The following TYK2 variants were observed in gnomAD, a reference collection of about 807,000 sequenced individuals.
TYK2 encodes the protein tyrosine kinase 2, also known as non-receptor tyrosine-protein kinase TYK2.
Under a neutral mutation model 130.9 loss-of-function variants are expected in TYK2, and 65 were observed. The observed-to-expected ratio is 0.50, with a 90% CI of 0.41 to 0.61. TYK2 has a LOEUF of 0.61. Ranked by LOEUF, TYK2 falls within the 20% of genes least tolerant of loss-of-function variation. The probability of loss-of-function intolerance (pLI) is 0.00; values close to 1 mark genes in which losing one functional copy is unlikely to be tolerated. For synonymous variants in TYK2, 647 were observed against 658.9 expected (o/e 0.98, Z 0.28); for missense variants, 1,378 against 1,610.7 (o/e 0.86, Z 2.47).
Position 10,352,436 on chromosome 19 carries a change from TG to T in TYK2, c.3315del (p.Thr1106ArgfsTer7), listed in dbSNP as rs757101286. 2.5e-6 allele frequency: 4 copies of T among 1,603,638 alleles called. No individual in the cohort carries two copies. The highest frequency in any genetic ancestry group is 1.3e-5 in the African/African-American group (1 of 74,730). Reference sequence around the variant, plus strand: ...GGGGCTGCGGGCCTGGCTCTCACCGTGGGGGGGCTCTGGCTGGAGTCACAGT... The same window carrying T: ...GGGGCTGCGGGCCTGGCTCTCACCGTGGGGGGCTCTGGCTGGAGTCACAGT... The part of the protein sequence containing the change: ...LTHCDSSQSP[P>X]TKFLELIGIA... On this transcript the variant is annotated frameshift_variant, in exon 23 of 25. Coordinates refer to ENST00000525621, the MANE Select transcript of TYK2 (RefSeq NM_003331.5). LOFTEE classifies it high-confidence loss of function.
rs779078687 is a variant in TYK2 at position 10,353,106 on chromosome 19, C to T, written c.3028-8G>A. 28 of 1,505,344 alleles carry T rather than the reference C, an allele frequency of 1.9e-5. No individual in the cohort carries two copies. Among genetic ancestry groups the T allele is most frequent in the Non-Finnish European group, 2.2e-5 (25 of 1,123,058 alleles). 93.2% of individuals were successfully genotyped at this position (1,505,344 alleles called of 1,614,324 possible). ...GTGCAGATAGGCCATGCCCTGGGGA[C>T]GGGGCAGGGCTCGTGAGTTTCAGTG... On this transcript the variant is annotated splice_region_variant and splice_polypyrimidine_tract_variant and intron_variant, in intron 21 of 24. Coordinates refer to ENST00000525621, the MANE Select transcript of TYK2 (RefSeq NM_003331.5). The surrounding 1 kb of genome is among the most constrained non-coding windows in gnomAD (Gnocchi z 6.9).
intron 14 of TYK2, 68 bp from the exon 15 acceptor site, chr19:10,359,370 G>T: frequency 6.3e-7 from 1 of 1,574,926 alleles, no homozygotes; most frequent in Non-Finnish European, 8.6e-7. Context: ...GGAATTGGGG[G>T]AGACGCCAGG....
At position 10,353,560 on chromosome 19, in the gene TYK2, G is replaced by C. The variant is rs1382973354; in HGVS notation, c.2995C>G (p.Gln999Glu). ...ATCTGCTGGGCGAAGAGCAGCAGCT[G>C]GGCCAGCCCGATGCTGTGCCGGGGC... is the stretch of plus-strand genomic sequence containing the variant. ...YLPRHSIGLA[Q>E]LLLFAQQICE... is the part of the protein sequence containing the mutation. Residue 999 changes from glutamine to glutamate, a missense_variant, in exon 21 of 25, where the codon CAG (glutamine) becomes GAG (glutamate). By Grantham distance (29) the Gln-to-Glu change is conservative. Coordinates refer to ENST00000525621, the MANE Select transcript of TYK2 (RefSeq NM_003331.5). The surrounding 1 kb of genome is among the most constrained non-coding windows in gnomAD (Gnocchi z 6.9). The C allele has an allele frequency of 6.7e-7, 1 of 1,499,386 alleles. No individual in the cohort carries two copies. Among genetic ancestry groups the C allele is most frequent in the East Asian group, 2.4e-5 (1 of 41,470 alleles). 92.9% of individuals were successfully genotyped at this position (1,499,386 alleles called of 1,614,324 possible).
At position 10,359,310 on chromosome 19, in the gene TYK2, G is replaced by A. The variant is rs539189311; in HGVS notation, c.2048-8C>T. ...ACTCTGTCACCATGATATCTGTAAA[G>A]ACACAGCTGCTCTGGGGCAACCTGC... On this transcript the variant is annotated splice_region_variant and splice_polypyrimidine_tract_variant and intron_variant, in intron 14 of 24. Coordinates refer to ENST00000525621, the MANE Select transcript of TYK2 (RefSeq NM_003331.5). The A allele has an allele frequency of 6.2e-7, 1 of 1,610,164 alleles. No individual in the cohort carries two copies. Among genetic ancestry groups the A allele is most frequent in the South Asian group, 1.1e-5 (1 of 90,982 alleles).
Position 10,362,668 on chromosome 19 carries a change from G to A in TYK2, c.1368-11C>T. 1 of 1,550,480 alleles carries A rather than the reference G, an allele frequency of 6.4e-7. No homozygotes were observed. The highest frequency in any genetic ancestry group is 8.7e-7 in the Non-Finnish European group (1 of 1,146,252). On this transcript the variant is annotated splice_polypyrimidine_tract_variant and intron_variant, in intron 9 of 24. Transcript: ENST00000525621. ...TGCACAAATGGCTCCCTGGAAGGTGGTCCAGGGGGACTATCAGGCCACCTG... is the reference window on the plus strand; with the variant it reads ...TGCACAAATGGCTCCCTGGAAGGTGATCCAGGGGGACTATCAGGCCACCTG...
In TYK2 at chr19:10,361,307, G is replaced by A; in HGVS notation, c.2047+204C>T. On this transcript the variant is annotated intron_variant, in intron 14 of 24. Coordinates refer to ENST00000525621, the MANE Select transcript of TYK2 (RefSeq NM_003331.5). The surrounding 1 kb of genome is among the most constrained non-coding windows in gnomAD (Gnocchi z 4.0). Reference sequence around the variant, plus strand: ...AGGGCAGGTGAGGGTCGACGTGTTGGGATGTAAGTTATGGGCTGGAATATC... The same window carrying A: ...AGGGCAGGTGAGGGTCGACGTGTTGAGATGTAAGTTATGGGCTGGAATATC... The A allele has an allele frequency of 4.7e-6, 3 of 638,480 alleles. No homozygotes were observed. Among genetic ancestry groups the A allele is most frequent in the Non-Finnish European group, 2.8e-6 (1 of 351,814 alleles). The allele number at this position is 638,480 out of a possible 1,614,324, so 39.6% of individuals were successfully genotyped here.
Position 10,362,371 on chromosome 19 carries a change from C to T in TYK2, c.1562G>A (p.Arg521Gln), listed in dbSNP as rs546087218. 12 of 1,614,072 alleles carry T rather than the reference C, an allele frequency of 7.4e-6. No homozygotes were observed. Among genetic ancestry groups the T allele is most frequent in the South Asian group, 2.2e-5 (2 of 91,076 alleles). The part of the protein sequence containing the change: ...DGAFVLEGWG[R>Q]SFPSVRELGA... The stretch of plus-strand genomic sequence containing the variant: ...AAGTTCCCGAACGCTGGGGAAGGAC[C>T]GGCCCCAGCCCTCCAGCACGAAGGC... The change falls in exon 11 of 25, where the codon CGG (arginine) becomes CAG (glutamine). Residue 521 changes from arginine (R) to glutamine (Q), a missense_variant. Coordinates refer to ENST00000525621, the MANE Select transcript of TYK2 (RefSeq NM_003331.5).
intron 3 of TYK2, among the ~76,000 whole-genome samples, chr19:10,370,053 A>G (rs1292674923): frequency 1.3e-5 from 2 of 150,588 alleles, no homozygotes; most frequent in African/African-American, 4.9e-5. Context: ...CAAACAACAC[A>G]ACAAAACAAA....
At chr19:10,367,044 CAA>C (rs780433495) in intron 5 of TYK2, among the ~76,000 whole-genome samples, 5 of 123,108 alleles carry the variant, frequency 4.1e-5, no homozygotes, top group Non-Finnish European at 3.5e-5. Context: ...AACTCTGTCT[CAA>C]AAAAAAAAAA....
rs181352350 is a variant in TYK2 at position 10,362,205 on chromosome 19, G to A, written c.1670-24C>T. ...TTCTGGGGGCAGGCATCAAGTCATG[G>A]AGGGCGGGCCTGGGGGAGAGATGCC... On this transcript the variant is annotated intron_variant, in intron 11 of 24. Coordinates refer to ENST00000525621, the MANE Select transcript of TYK2 (RefSeq NM_003331.5). The A allele has an allele frequency of 3.7e-6, 6 of 1,613,938 alleles. No homozygotes were observed. The Admixed American group carries it at 1.0e-4, about 27-fold the overall frequency.
rs779508391 is a variant in TYK2, at chr19:10,361,370, G to A, written c.2047+141C>T. ...GGTCTAGGTTGAAGGTCAAGGTGTA[G>A]CCCGGGATCAGAGTACAGGTGAGAG... On this transcript the variant is annotated intron_variant, in intron 14 of 24. Coordinates refer to ENST00000525621, the MANE Select transcript of TYK2 (RefSeq NM_003331.5). This position sits in a 1 kb window ranked among gnomAD's most constrained non-coding sequence, Gnocchi z 4.0. 28 of 832,460 alleles carry A rather than the reference G, an allele frequency of 3.4e-5. No homozygotes were observed. Among genetic ancestry groups the A allele is most frequent in the Non-Finnish European group, 4.5e-5 (23 of 513,432 alleles). 51.6% of individuals were successfully genotyped at this position (832,460 alleles called of 1,614,324 possible).
chr19:10,366,497 G>A lies in TYK2; in HGVS notation c.549C>T (p.Ser183=). ...AGAGGTGCAGAAAGGCCATGCCCAG[G>A]CTCTCATTCTTAAAGTGGTGGATCT... ...EEEIHHFKNE[S]LGMAFLHLCH... is the part of the protein sequence containing the mutation. Residue 183 remains serine (S), a synonymous_variant, in exon 6 of 25, where the codon AGC becomes AGT. Coordinates refer to ENST00000525621, the MANE Select transcript of TYK2 (RefSeq NM_003331.5). 6.2e-7 allele frequency: 1 copy of A among 1,614,016 alleles called. No individual in the cohort carries two copies. Among genetic ancestry groups the A allele is most frequent in the Non-Finnish European group, 8.5e-7 (1 of 1,179,998 alleles).
In TYK2 at chr19:10,358,129, T is replaced by C; in HGVS notation, c.2185A>G (p.Asn729Asp). The C allele has an allele frequency of 1.2e-6, 2 of 1,608,792 alleles. No individual in the cohort carries two copies. The highest frequency in any genetic ancestry group is 1.7e-6 in the Non-Finnish European group (2 of 1,178,108). ...CCACACACATTACCATGAACCAGGTTCTTGTTCTCCTGAGGTGGGCAGGAG... is the reference window on the plus strand; with the variant it reads ...CCACACACATTACCATGAACCAGGTCCTTGTTCTCCTGAGGTGGGCAGGAG... Reference protein sequence around the residue: ...ASALSYLENKNLVHGNVCGRN... With the variant: ...ASALSYLENKDLVHGNVCGRN... The change falls in exon 16 of 25, where the codon AAC (asparagine) becomes GAC (aspartate). Residue 729 changes from asparagine (N) to aspartate (D), a missense_variant. Transcript: ENST00000525621.
Position 10,366,662 on chromosome 19 carries a change from C to T in TYK2, c.466-82G>A, listed in dbSNP as rs2041679569. On this transcript the variant is annotated intron_variant, in intron 5 of 24. Transcript: ENST00000525621. ...CAGAGGTATCCAATCTTCTGGCTAC[C>T]CTGGACCACACTGGAAGAAGTGTCT... The T allele has an allele frequency of 4.7e-6, 7 of 1,498,890 alleles. No individual in the cohort carries two copies. The South Asian group carries it at 5.7e-5, about 12-fold the overall frequency. 92.8% of individuals were successfully genotyped at this position (1,498,890 alleles called of 1,614,324 possible).
Position 10,353,146 on chromosome 19 carries a change from C to T in TYK2, c.3028-48G>A. The T allele has an allele frequency of 7.0e-7, 1 of 1,418,700 alleles. No individual in the cohort carries two copies. 87.9% of individuals were successfully genotyped at this position (1,418,700 alleles called of 1,614,324 possible). A position where few individuals can be genotyped will look rare whatever the true frequency, so the allele number is the denominator to read the frequency against. On this transcript the variant is annotated intron_variant, in intron 21 of 24. Coordinates refer to ENST00000525621, the MANE Select transcript of TYK2 (RefSeq NM_003331.5). This position sits in a 1 kb window ranked among gnomAD's most constrained non-coding sequence, Gnocchi z 6.9. The stretch of plus-strand genomic sequence containing the variant: ...GAGTTTCAGTGGGGCGGGGTTCGGC[C>T]GGGGGCGGCGGCAGGACCTGAGCAG...
chr19:10,357,371 T>C (rs1275655273), intron 17 of TYK2: 4 of 628,726 alleles, frequency 6.4e-6, no homozygotes, highest in Admixed American at 2.5e-5. Flanking sequence ...CCTGGGCAAT[T>C]AGAGTGGAAC....
At position 10,361,808 on chromosome 19, in the gene TYK2, G is replaced by A; in HGVS notation, c.1921C>T (p.Leu641Phe). ...TGGTGACTAGGGTCCAGCACTTTGAGCACCACTCGTAGCTCCTGCCCACGG... is the reference window on the plus strand; with the variant it reads ...TGGTGACTAGGGTCCAGCACTTTGAACACCACTCGTAGCTCCTGCCCACGG... The part of the protein sequence containing the change: ...RDRGQELRVV[L>F]KVLDPSHHDI... Residue 641 changes from leucine (L) to phenylalanine (F), a missense_variant, in exon 13 of 25, where the codon CTC becomes TTC. By Grantham distance (22) the Leu-to-Phe change is conservative (BLOSUM62 0). Transcript: ENST00000525621. The surrounding 1 kb of genome is among the most constrained non-coding windows in gnomAD (Gnocchi z 4.0). 1.2e-6 allele frequency: 2 copies of A among 1,613,764 alleles called. No individual in the cohort carries two copies. The highest frequency in any genetic ancestry group is 2.2e-5 in the South Asian group (2 of 91,070).
rs368634384 is a variant in TYK2, at chr19:10,365,705, C to T, written c.823G>A (p.Val275Met). The change falls in exon 7 of 25, where the codon GTG becomes ATG. Residue 275 changes from valine (V) to methionine (M), a missense_variant. Transcript: ENST00000525621. Reference protein sequence around the residue: ...RLAPRFGTERVPVCHLRLLAQ... With the variant: ...RLAPRFGTERMPVCHLRLLAQ... ...AGCAGCCTCAGGTGGCACACGGGCACACGCTCTGTGCCGAAGCGGGGTGCC... is the reference window on the plus strand; with the variant it reads ...AGCAGCCTCAGGTGGCACACGGGCATACGCTCTGTGCCGAAGCGGGGTGCC... 1.9e-6 allele frequency: 3 copies of T among 1,613,180 alleles called. No individual in the cohort carries two copies. Among genetic ancestry groups the T allele is most frequent in the Non-Finnish European group, 2.5e-6 (3 of 1,179,850 alleles).
rs199996126 is a variant in TYK2, at chr19:10,377,746, A to AT, written c.193+467dup. ...GATGGGTGGATGGGTGGGTGGGTGG[A>AT]TAGGTGGGTGGATGGGTGGGTGAGT... is the stretch of plus-strand genomic sequence containing the variant. On this transcript the variant is annotated intron_variant, in intron 3 of 24. Transcript: ENST00000525621. Among the ~76,000 whole-genome samples, 79 of 29,412 alleles carry AT rather than the reference A, an allele frequency of 2.7e-3. 3 individuals are homozygous for AT. Among genetic ancestry groups the AT allele is most frequent in the Non-Finnish European group, 3.6e-3 (55 of 15,226 alleles). 19.3% of individuals were successfully genotyped at this position (29,412 alleles called of 152,430 possible).
Sources: allele counts gnomAD v4.1 joint callset (sites outside exome capture counted in the v4.1 genomes callset), GRCh38; gene constraint gnomAD v4.1.1; non-coding constraint Gnocchi (gnomAD v3.1); transcripts MANE v1.5; gene names NCBI Gene and HGNC (gene_info 2026-07-23, HGNC 2026-07-21).